NDST1: variants seen among roughly 807,000 people sequenced by gnomAD.
The protein encoded by NDST1 is N-deacetylase and N-sulfotransferase 1.
NDST1 carries 35 observed loss-of-function variants against 92.8 expected under a neutral mutation model. The ratio of observed to expected loss-of-function variants is 0.38; its 90% CI spans 0.29 to 0.50. The LOEUF is 0.50. Among genes scored for constraint, NDST1 ranks in the 20% least tolerant of loss-of-function variants. NDST1 has a pLI of 0.94. For synonymous variants in NDST1, 493 were observed against 500.3 expected (o/e 0.99, Z 0.19); for missense variants, 822 against 1,182.7 (o/e 0.69, Z 4.47).
chr5:150,545,195 A>G (rs558515619), intron 10 of NDST1, 117 bp from the exon 11 acceptor site: 50 of 1,223,406 alleles, frequency 4.1e-5, no homozygotes, highest in African/African-American at 3.1e-4. Context: ...TTGGGAGCAA[A>G]GCTTCCCACT....
chr5:150,511,382 C>A (rs572850164), intron 1 of NDST1, among the ~76,000 whole-genome samples: 24 of 152,154 alleles, frequency 1.6e-4, no homozygotes, highest in African/African-American at 5.8e-4. Context: ...CCTGGTGTTG[C>A]GTGGTGGGAT....
chr5:150,512,444 G>A (rs556398036), intron 1 of NDST1, among the ~76,000 whole-genome samples: 9 of 152,334 alleles, frequency 5.9e-5, no homozygotes, highest in East Asian at 1.9e-4. Flanking sequence ...GGTCATGGTC[G>A]CCACTGCATT....
chr5:150,520,542 G>A (rs888502096), intron 1 of NDST1, among the ~76,000 whole-genome samples: 2 of 152,158 alleles, frequency 1.3e-5, no homozygotes, highest in Admixed American at 6.5e-5. Context: ...TCTTGGCCTA[G>A]TCTTGGACTC....
intron 8 of NDST1, among the ~76,000 whole-genome samples, chr5:150,541,151 A>C (rs932892972): frequency 5.9e-5 from 9 of 152,200 alleles, no homozygotes; most frequent in Non-Finnish European, 1.0e-4. Context: ...TCTTGTATCT[A>C]CTGTCTATAG....
At chr5:150,512,641 AT>A (rs1370351219) in intron 1 of NDST1, among the ~76,000 whole-genome samples, 1 of 152,088 alleles carries the variant, frequency 6.6e-6, no homozygotes, top group Non-Finnish European at 1.5e-5. Flanking sequence ...TTCACTACTA[AT>A]TTGATATGTG....
upstream of NDST1, among the ~76,000 whole-genome samples, chr5:150,505,561 C>T (rs910684136): frequency 2.0e-5 from 3 of 152,152 alleles, no homozygotes; most frequent in African/African-American, 7.2e-5. Flanking sequence ...AACATAATGG[C>T]ATCAGGTGGT....
chr5:150,552,475 T>TTTTTGTTTTG (rs559512950), intron 14 of NDST1: 7 of 163,902 alleles, frequency 4.3e-5, no homozygotes, highest in African/African-American at 1.7e-4. Flanking sequence ...CTTGCTTCTG[T>TTTTTGTTTTG]TTTTGTTTTG....
At chr5:150,534,464 G>C (rs1754892704) in intron 4 of NDST1, among the ~76,000 whole-genome samples, 1 of 152,164 alleles carries the variant, frequency 6.6e-6, no homozygotes, top group Non-Finnish European at 1.5e-5. Flanking sequence ...GTCTGAGATA[G>C]AGGGTCAAAC....
chr5:150,528,599 T>C (rs1270820400), intron 3 of NDST1, among the ~76,000 whole-genome samples: 1 of 152,130 alleles, frequency 6.6e-6, no homozygotes, highest in African/African-American at 2.4e-5. Context: ...GAGACCAGCC[T>C]GGCCAACACA....
rs1755910074 is a variant in NDST1, at chr5:150,558,044, G to T, written c.*4712G>T. 1.5e-5 allele frequency: 2 copies of T among 132,410 alleles called. No homozygotes were observed. Among genetic ancestry groups the T allele is most frequent in the East Asian group, 2.6e-4 (1 of 3,892 alleles). 8.2% of individuals were successfully genotyped at this position (132,410 alleles called of 1,614,324 possible). On this transcript the variant is annotated 3_prime_UTR_variant, in exon 15 of 15. Transcript: ENST00000261797. ...GGGCACACTGGGGAAGCAGGCAGAG[G>T]TTTCCTTCCCTTGTAGGGGGGTGGG... is the stretch of plus-strand genomic sequence containing the variant.
At chr5:150,546,947 G>T (rs1053452174) in intron 11 of NDST1, among the ~76,000 whole-genome samples, 1 of 152,212 alleles carries the variant, frequency 6.6e-6, no homozygotes, top group South Asian at 2.1e-4. Context: ...GCCTCCTGGC[G>T]CTGTGCAGGG....
intron 7 of NDST1, 186 bp from the exon 8 acceptor site, chr5:150,539,896 T>G: frequency 1.1e-5 from 9 of 801,694 alleles, no homozygotes; most frequent in Non-Finnish European, 1.4e-5. Context: ...TTGGGGTCAG[T>G]CAGGCCTGGT....
intron 2 of NDST1, among the ~76,000 whole-genome samples, chr5:150,523,769 G>T (rs1754347145): frequency 6.6e-6 from 1 of 152,230 alleles, no homozygotes; most frequent in Non-Finnish European, 1.5e-5. Context: ...CCAATTCCTT[G>T]CTCTGCAGAA....
intron 14 of NDST1, 32 bp downstream of exon 14, chr5:150,551,887 G>A: frequency 6.2e-7 from 1 of 1,609,608 alleles, no homozygotes; most frequent in South Asian, 1.1e-5. Context: ...TGTAGCACCT[G>A]CATAAGGGTA....
rs956019395 is a variant in NDST1 at position 150,553,755 on chromosome 5, C to T, written c.*423C>T. ...AGGCTGTAGGGGAGGAGAGCCTGGC[C>T]GGGGGAGACAGACTGGACATTTCCC... On this transcript the variant is annotated 3_prime_UTR_variant, in exon 15 of 15. Transcript: ENST00000261797. This position sits in a 1 kb window ranked among gnomAD's most constrained non-coding sequence, Gnocchi z 4.2. 29 of 414,576 alleles carry T rather than the reference C, an allele frequency of 7.0e-5. No individual in the cohort carries two copies. Among genetic ancestry groups the T allele is most frequent in the South Asian group, 2.4e-4 (9 of 37,716 alleles). 25.7% of individuals were successfully genotyped at this position (414,576 alleles called of 1,614,324 possible).
In NDST1 at chr5:150,533,628, C is replaced by T. The variant is rs113694631; in HGVS notation, c.1096+596C>T. ...TGCAGTGACCATTCCCCCTAGCTGC[C>T]TTCTGCCCAGGCCTCAGTGAGACAA... On this transcript the variant is annotated intron_variant, in intron 4 of 14. Coordinates refer to ENST00000261797, the MANE Select transcript of NDST1 (RefSeq NM_001543.5). Among the ~76,000 whole-genome samples the T allele has an allele frequency of 1.6e-3, 249 of 152,292 alleles. 1 individual carries two copies. The highest frequency in any genetic ancestry group is 5.2e-3 in the African/African-American group (217 of 41,570).
chr5:150,506,509 C>A (rs758948316), upstream of NDST1, among the ~76,000 whole-genome samples: 42 of 152,164 alleles, frequency 2.8e-4, no homozygotes, highest in Non-Finnish European at 5.9e-4. Flanking sequence ...GGTCTCCTGG[C>A]CCCATGAACT....
In NDST1 at chr5:150,535,010, A is replaced by C; in HGVS notation, c.1240A>C (p.Lys414Gln). The C allele has an allele frequency of 6.2e-7, 1 of 1,614,088 alleles. No homozygotes were observed. The highest frequency in any genetic ancestry group is 8.5e-7 in the Non-Finnish European group (1 of 1,179,958). ...GGCCGAGCAGATGGCCTTGAACAAG[A>C]AGTTCGCTGTCGTGAGTAAGATTCC... ...VLAEQMALNK[K>Q]FAVEHGIPTD... The change falls in exon 5 of 15, where the codon AAG (lysine) becomes CAG (glutamine). Residue 414 changes from lysine to glutamine, a missense_variant. Lys to Gln is a moderately conservative substitution (Grantham distance 53, BLOSUM62 1). Coordinates refer to ENST00000261797, the MANE Select transcript of NDST1 (RefSeq NM_001543.5).
intron 2 of NDST1, among the ~76,000 whole-genome samples, chr5:150,524,930 C>T (rs535948440): frequency 1.8e-3 from 276 of 152,308 alleles, no homozygotes; most frequent in African/African-American, 6.4e-3. Flanking sequence ...CAAGATCTGA[C>T]AGTCAAGCTT....
Sources: gnomAD v4.1 joint callset for allele counts (sites outside exome capture counted in the v4.1 genomes callset) on GRCh38, gnomAD v4.1.1 for gene constraint, Gnocchi (gnomAD v3.1) non-coding constraint, MANE v1.5 for transcripts, NCBI Gene and HGNC (gene_info 2026-07-23, HGNC 2026-07-21) for gene names.